The following YAF2 variants were observed in gnomAD, a reference collection of about 807,000 sequenced individuals.
YAF2 encodes the protein YY1-associated factor 2.
YAF2 carries 7 observed loss-of-function variants against 20.1 expected under a neutral mutation model. The ratio of observed to expected loss-of-function variants is 0.35; its 90% CI spans 0.20 to 0.65. YAF2 has a LOEUF of 0.65. Among genes scored for constraint, YAF2 ranks in the 30% least tolerant of loss-of-function variants. YAF2 has a pLI of 0.69. For synonymous variants in YAF2, 74 were observed against 76.0 expected (o/e 0.97, Z 0.14); for missense variants, 151 against 219.2 (o/e 0.69, Z 1.96).
chr12:42,184,332 CAG>C (rs1195339134), intron 2 of YAF2, among the ~76,000 whole-genome samples: 3 of 152,118 alleles, frequency 2.0e-5, no homozygotes, highest in African/African-American at 7.2e-5. Context: ...GTTTTTGAGA[CAG>C]AGTCTTGCTC....
intron 2 of YAF2, among the ~76,000 whole-genome samples, chr12:42,223,142 T>C (rs555816213): frequency 2.0e-4 from 31 of 152,282 alleles, no homozygotes; most frequent in African/African-American, 6.0e-4. Flanking sequence ...AGAGCCCACA[T>C]TGACACCCGA....
At chr12:42,216,119 T>C (rs1223510034) in intron 2 of YAF2, among the ~76,000 whole-genome samples, 1 of 152,126 alleles carries the variant, frequency 6.6e-6, no homozygotes, top group Non-Finnish European at 1.5e-5. Flanking sequence ...AAGATAGATA[T>C]TACTAGATAA....
At chr12:42,166,217 A>G (rs531153183) in intron 2 of YAF2, among the ~76,000 whole-genome samples, 1 of 152,288 alleles carries the variant, frequency 6.6e-6, no homozygotes, top group South Asian at 2.1e-4. Flanking sequence ...CTGGCCTCAA[A>G]TACATTTCTA....
At chr12:42,222,107 C>T (rs981899287) in intron 2 of YAF2, among the ~76,000 whole-genome samples, 1 of 152,026 alleles carries the variant, frequency 6.6e-6, no homozygotes, top group South Asian at 2.1e-4. Context: ...CAAAAGGTAC[C>T]GTCTTAACAA....
At chr12:42,207,710 G>A (rs2067087499) in intron 2 of YAF2, among the ~76,000 whole-genome samples, 1 of 152,050 alleles carries the variant, frequency 6.6e-6, no homozygotes, top group Non-Finnish European at 1.5e-5. Context: ...GGCTAACACG[G>A]TGAAACCCCG....
chr12:42,186,817 A>C (rs2066487968), intron 2 of YAF2, among the ~76,000 whole-genome samples: 1 of 152,250 alleles, frequency 6.6e-6, no homozygotes, highest in Non-Finnish European at 1.5e-5. Context: ...GACAAAGCTC[A>C]TCAAGGGTCT....
chr12:42,192,406 G>A lies in YAF2; in HGVS notation c.153-30641C>T, dbSNP rs139460975. ...CACCTGTGAACCCACCTACTCAGGAGGCTGAGTTGATAGGATCACTTGAGC... is the reference window on the plus strand; with the variant it reads ...CACCTGTGAACCCACCTACTCAGGAAGCTGAGTTGATAGGATCACTTGAGC... On this transcript the variant is annotated intron_variant, in intron 2 of 3. Coordinates refer to ENST00000534854, the MANE Select transcript of YAF2 (RefSeq NM_005748.6). Among the ~76,000 whole-genome samples, 1,013 of 151,938 alleles carry A rather than the reference G, an allele frequency of 6.7e-3. 4 individuals are homozygous for A. Among genetic ancestry groups the A allele is most frequent in the Non-Finnish European group, 0.011 (756 of 67,928 alleles).
intron 2 of YAF2, among the ~76,000 whole-genome samples, chr12:42,225,814 T>C (rs1254510178): frequency 6.6e-6 from 1 of 152,260 alleles, no homozygotes; most frequent in Non-Finnish European, 1.5e-5. Context: ...GGTAGCATGA[T>C]GCCTCCAGCT....
At chr12:42,164,633 C>T (rs1339395350) in intron 2 of YAF2, among the ~76,000 whole-genome samples, 1 of 151,730 alleles carries the variant, frequency 6.6e-6, no homozygotes. Context: ...CTTAGTAACA[C>T]CAAAATATAT....
chr12:42,181,971 C>T (rs542930798), intron 2 of YAF2, among the ~76,000 whole-genome samples: 1 of 152,024 alleles, frequency 6.6e-6, no homozygotes, highest in Non-Finnish European at 1.5e-5. Flanking sequence ...GCCAGTGTTA[C>T]CTAGTGTAAT....
At position 42,238,222 on chromosome 12, in the gene YAF2, G is replaced by A. The variant is rs1040220959; in HGVS notation, c.-42C>T. 2 of 1,399,836 alleles carry A rather than the reference G, an allele frequency of 1.4e-6. No individual in the cohort carries two copies. Among genetic ancestry groups the A allele is most frequent in the South Asian group, 1.3e-5 (1 of 79,116 alleles). The allele number at this position is 1,399,836 out of a possible 1,614,324, so 86.7% of individuals were successfully genotyped here. On this transcript the variant is annotated 5_prime_UTR_variant, in exon 1 of 4. Coordinates refer to ENST00000534854, the MANE Select transcript of YAF2 (RefSeq NM_005748.6). ...CACGCCGAGAGTCGCCGCCGCGACC[G>A]CTCTGTTTGTCAATAAGGAGGATAA... is the stretch of plus-strand genomic sequence containing the variant.
At chr12:42,207,977 C>A (rs1283936523) in intron 2 of YAF2, among the ~76,000 whole-genome samples, 1 of 152,146 alleles carries the variant, frequency 6.6e-6, no homozygotes, top group African/African-American at 2.4e-5. Context: ...ATCTCAGTCA[C>A]TGATGTTAGG....
chr12:42,227,785 G>A (rs1239138415), intron 2 of YAF2, among the ~76,000 whole-genome samples: 14 of 146,712 alleles, frequency 9.5e-5, no homozygotes, highest in East Asian at 6.5e-4. Context: ...CGTGCTGTCC[G>A]GGAGGGAGGT....
chr12:42,157,597 A>G lies in YAF2; in HGVS notation c.*2992T>C, dbSNP rs1335085351. Reference sequence around the variant, plus strand: ...GATCTTTATCTAAAAGTTAATAAACATGCTATCAACTTAGAAAGGCTGAAG... The same window carrying G: ...GATCTTTATCTAAAAGTTAATAAACGTGCTATCAACTTAGAAAGGCTGAAG... On this transcript the variant is annotated 3_prime_UTR_variant, in exon 4 of 4. Coordinates refer to ENST00000534854, the MANE Select transcript of YAF2 (RefSeq NM_005748.6). 2 of 152,226 alleles carry G rather than the reference A, an allele frequency of 1.3e-5. No homozygotes were observed. The highest frequency in any genetic ancestry group is 6.5e-5 in the Admixed American group (1 of 15,288). The allele number at this position is 152,226 out of a possible 1,614,324, so 9.4% of individuals were successfully genotyped here.
intron 2 of YAF2, among the ~76,000 whole-genome samples, chr12:42,227,519 T>G (rs1447406963): frequency 7.0e-6 from 1 of 143,054 alleles, no homozygotes; most frequent in Non-Finnish European, 1.5e-5. Context: ...GGAGCGCCTC[T>G]GCCCTGCCGA....
intron 2 of YAF2, among the ~76,000 whole-genome samples, chr12:42,197,170 C>T (rs906973830): frequency 6.6e-6 from 1 of 152,236 alleles, no homozygotes; most frequent in Non-Finnish European, 1.5e-5. Context: ...CTCCTTTGCT[C>T]TAACCCCAGC....
chr12:42,212,424 T>C (rs1214068056), intron 2 of YAF2: 1 of 446,058 alleles, frequency 2.2e-6, no homozygotes, highest in Non-Finnish European at 4.5e-6. Flanking sequence ...CCCTTTACCA[T>C]CATGCTTCTA....
intron 2 of YAF2, among the ~76,000 whole-genome samples, chr12:42,172,804 T>A (rs180860452): frequency 5.3e-5 from 8 of 152,320 alleles, no homozygotes; most frequent in Admixed American, 5.2e-4. Context: ...AAATATTATT[T>A]CACCATAAAG....
At chr12:42,165,261 G>GTTT (rs2065886429) in intron 2 of YAF2, among the ~76,000 whole-genome samples, 1 of 151,924 alleles carries the variant, frequency 6.6e-6, no homozygotes, top group Non-Finnish European at 1.5e-5. Context: ...AGACAGAGAG[G>GTTT]AAATAACTTC....
Sources: gnomAD v4.1 joint callset for allele counts (sites outside exome capture counted in the v4.1 genomes callset) on GRCh38, gnomAD v4.1.1 for gene constraint, MANE v1.5 for transcripts, NCBI Gene and HGNC (gene_info 2026-07-23, HGNC 2026-07-21) for gene names.